Variants in PBX1 observed in about 807,000 individuals in gnomAD.
PBX1 encodes PBX homeobox 1, also known as pre-B-cell leukemia transcription factor 1.
PBX1 carries 6 observed loss-of-function variants against 53.4 expected under a neutral mutation model. That is an observed-to-expected ratio of 0.11 (90% CI 0.06 to 0.22). PBX1 has a LOEUF of 0.22. Among genes scored for constraint, PBX1 ranks in the 10% least tolerant of loss-of-function variants. PBX1 has a pLI of 1.00. For missense variants in PBX1, 251 were observed against 551.4 expected (o/e 0.46, Z 5.46); for synonymous variants, 204 against 212.3 (o/e 0.96, Z 0.34).
intron 2 of PBX1, among the ~76,000 whole-genome samples, chr1:164,662,071 A>G (rs1297144814): frequency 2.0e-5 from 3 of 152,116 alleles, no homozygotes; most frequent in South Asian, 4.1e-4. Flanking sequence ...CAAGTCTGTA[A>G]TCCCAACACT....
chr1:164,884,679 C>A, intron 2 of PBX1: 1 of 332,694 alleles, frequency 3.0e-6, no homozygotes, highest in Non-Finnish European at 5.8e-6. Flanking sequence ...TTTGAAGAAG[C>A]AAAAGGATAC....
In PBX1 at chr1:164,563,350, C is replaced by T. The variant is rs2101688620; in HGVS notation, c.265+39C>T. 12 of 1,319,796 alleles carry T rather than the reference C, an allele frequency of 9.1e-6. No homozygotes were observed. The Middle Eastern group carries it at 7.5e-4, about 82-fold the overall frequency. 81.8% of individuals were successfully genotyped at this position (1,319,796 alleles called of 1,614,324 possible). A position where few individuals can be genotyped will look rare whatever the true frequency, so the allele number is the denominator to read the frequency against. On this transcript the variant is annotated intron_variant, in intron 2 of 8. Coordinates refer to ENST00000420696, the MANE Select transcript of PBX1 (RefSeq NM_002585.4). ...TCCAACATTTTAGCATTTTCTTTGGCCAATTAAATCACTTAACCAGCAGTC... is the reference window on the plus strand; with the variant it reads ...TCCAACATTTTAGCATTTTCTTTGGTCAATTAAATCACTTAACCAGCAGTC...
chr1:164,570,896 A>G (rs575803203), intron 2 of PBX1, among the ~76,000 whole-genome samples: 3 of 152,318 alleles, frequency 2.0e-5, no homozygotes, highest in South Asian at 2.1e-4. Context: ...AAGGATCGCC[A>G]TTCTAACTGG....
chr1:164,686,676 T>A (rs2102010602), intron 2 of PBX1, among the ~76,000 whole-genome samples: 1 of 152,304 alleles, frequency 6.6e-6, no homozygotes, highest in South Asian at 2.1e-4. Context: ...CAGGTACATC[T>A]TCAGCCATGG....
chr1:164,704,401 T>C (rs1663306325), intron 2 of PBX1, among the ~76,000 whole-genome samples: 1 of 152,252 alleles, frequency 6.6e-6, no homozygotes, highest in African/African-American at 2.4e-5. Context: ...TTTTAAAGTT[T>C]ATTGAACAAG....
intron 2 of PBX1, among the ~76,000 whole-genome samples, chr1:164,735,522 T>C (rs908505933): frequency 7.2e-5 from 11 of 152,208 alleles, no homozygotes; most frequent in African/African-American, 2.7e-4. Flanking sequence ...GCTAGCATTG[T>C]TCTATACAGA....
intron 2 of PBX1, among the ~76,000 whole-genome samples, chr1:164,716,849 C>T (rs1428628793): frequency 6.6e-6 from 1 of 152,156 alleles, no homozygotes; most frequent in Non-Finnish European, 1.5e-5. Flanking sequence ...TGAGCACATC[C>T]TGGGTGCCAG....
chr1:164,820,876 G>A (rs1226466873), intron 7 of PBX1, among the ~76,000 whole-genome samples: 1 of 152,154 alleles, frequency 6.6e-6, no homozygotes, highest in Non-Finnish European at 1.5e-5. Flanking sequence ...AGAATTACTA[G>A]GGAAGTTCTG....
intron 8 of PBX1, among the ~76,000 whole-genome samples, chr1:164,827,180 T>C (rs1384284380): frequency 6.6e-6 from 1 of 152,244 alleles, no homozygotes; most frequent in African/African-American, 2.4e-5. Context: ...AGAGACCTCC[T>C]TCCACTTAAA....
chr1:164,627,130 AAGCACTT>A (rs2101869098), intron 2 of PBX1, among the ~76,000 whole-genome samples: 1 of 152,290 alleles, frequency 6.6e-6, no homozygotes, highest in East Asian at 1.9e-4. Context: ...GGGGTTTCAG[AAGCACTT>A]AGAACTTCAG....
rs150478110 is a variant in PBX1 at position 164,861,711 on chromosome 1, A to G, written n.257+30228A>G. ...AGGGTAGAAGTTCTGGAGTAAATCAAGGTAGGGTGGTCCAGAGGATTGACT... is the reference window on the plus strand; with the variant it reads ...AGGGTAGAAGTTCTGGAGTAAATCAGGGTAGGGTGGTCCAGAGGATTGACT... On this transcript the variant is annotated intron_variant and non_coding_transcript_variant, in intron 2 of 2. Transcript: ENST00000558796. Among the ~76,000 whole-genome samples, 757 of 152,194 alleles carry G rather than the reference A, an allele frequency of 5.0e-3. 5 individuals carry two copies. The highest frequency in any genetic ancestry group is 0.017 in the African/African-American group (712 of 41,530).
At chr1:164,722,055 C>G (rs1664443735) in intron 2 of PBX1, among the ~76,000 whole-genome samples, 1 of 152,148 alleles carries the variant, frequency 6.6e-6, no homozygotes, top group Non-Finnish European at 1.5e-5. Flanking sequence ...ACCCCCTGAC[C>G]GACTCTTTAC....
At chr1:164,629,550 T>A (rs1434420816) in intron 2 of PBX1, among the ~76,000 whole-genome samples, 1 of 152,194 alleles carries the variant, frequency 6.6e-6, no homozygotes, top group South Asian at 2.1e-4. Context: ...CAAAGGGGCA[T>A]GTGTCTTGCT....
chr1:164,749,958 G>C (rs1055171445), intron 2 of PBX1, among the ~76,000 whole-genome samples: 1 of 152,046 alleles, frequency 6.6e-6, no homozygotes, highest in African/African-American at 2.4e-5. Context: ...AAATTAGCTG[G>C]GCAAGGTGGC....
At chr1:164,834,949 A>G (rs1430575902) in intron 8 of PBX1, among the ~76,000 whole-genome samples, 2 of 152,194 alleles carry the variant, frequency 1.3e-5, no homozygotes, top group Non-Finnish European at 2.9e-5. Flanking sequence ...TTTAATGTAG[A>G]AAATTTGGAG....
chr1:164,705,627 A>G (rs1663381053), intron 2 of PBX1, among the ~76,000 whole-genome samples: 1 of 152,060 alleles, frequency 6.6e-6, no homozygotes, highest in South Asian at 2.1e-4. Context: ...TGCCTTTTTG[A>G]TTTTTCACAT....
chr1:164,813,494 CAG>C (rs1307606424), intron 6 of PBX1: 1 of 152,154 alleles, frequency 6.6e-6, no homozygotes, highest in Non-Finnish European at 1.5e-5. Context: ...GTTCAATAAC[CAG>C]AGAGAGTTCC....
chr1:164,654,284 G>A (rs1430500710), intron 2 of PBX1, among the ~76,000 whole-genome samples: 3 of 152,192 alleles, frequency 2.0e-5, no homozygotes, highest in African/African-American at 7.2e-5. Flanking sequence ...AAGGTAGGAT[G>A]TGCGTGTGTA....
At chr1:164,651,336 C>G (rs1659802705) in intron 2 of PBX1, among the ~76,000 whole-genome samples, 1 of 151,910 alleles carries the variant, frequency 6.6e-6, no homozygotes, top group Non-Finnish European at 1.5e-5. Flanking sequence ...GGGGAAAGGT[C>G]TCTACCTGGC....
Sources: allele counts gnomAD v4.1 joint callset (sites outside exome capture counted in the v4.1 genomes callset), GRCh38; gene constraint gnomAD v4.1.1; transcripts MANE v1.5; gene names NCBI Gene and HGNC (gene_info 2026-07-23, HGNC 2026-07-21).